Variants in ZNF804B observed in about 807,000 individuals in gnomAD.
ZNF804B encodes zinc finger 804B.
ZNF804B carries 80 observed loss-of-function variants against 101.4 expected under a neutral mutation model. The observed-to-expected ratio is 0.79, with a 90% CI of 0.66 to 0.95. The LOEUF is 0.95. ZNF804B is among the 40% of genes least tolerant of loss of function. The pLI is 0.00. For missense variants in ZNF804B, 1,673 were observed against 1,561.9 expected (o/e 1.07, Z -1.20); for synonymous variants, 622 against 558.8 (o/e 1.11, Z -1.59).
At chr7:89,228,456 T>G (rs1789131137) in intron 2 of ZNF804B, among the ~76,000 whole-genome samples, 1 of 152,056 alleles carries the variant, frequency 6.6e-6, no homozygotes, top group Non-Finnish European at 1.5e-5. Flanking sequence ...ACATAGGTTC[T>G]CCACCTCCCC....
At chr7:89,171,356 T>TTCTTCTTCTTCC (rs1282426438) in intron 1 of ZNF804B, among the ~76,000 whole-genome samples, 198 of 99,148 alleles carry the variant, frequency 2.0e-3, no homozygotes, top group Non-Finnish European at 3.1e-3. Context: ...CTTCTTCTTC[T>TTCTTCTTCTTCC]TCCTCCTCTT....
At chr7:88,992,776 G>A (rs1793864335) in intron 1 of ZNF804B, among the ~76,000 whole-genome samples, 1 of 151,852 alleles carries the variant, frequency 6.6e-6, no homozygotes, top group Non-Finnish European at 1.5e-5. Context: ...CAGAATCTTG[G>A]TGGACCACTT....
chr7:89,068,492 T>G (rs1168976146), intron 1 of ZNF804B, among the ~76,000 whole-genome samples: 1 of 152,176 alleles, frequency 6.6e-6, no homozygotes, highest in Non-Finnish European at 1.5e-5. Context: ...CAATGTTTAA[T>G]GTATTACTAA....
intron 1 of ZNF804B, among the ~76,000 whole-genome samples, chr7:88,895,381 A>T (rs940102133): frequency 7.2e-5 from 11 of 152,230 alleles, no homozygotes; most frequent in African/African-American, 2.7e-4. Context: ...TTAGAGTTGG[A>T]TGGATCAATA....
chr7:89,073,260 C>T (rs965006315), intron 1 of ZNF804B, among the ~76,000 whole-genome samples: 2 of 152,032 alleles, frequency 1.3e-5, no homozygotes, highest in African/African-American at 2.4e-5. Context: ...TTTATTAATA[C>T]AGATTGGAAA....
intron 1 of ZNF804B, among the ~76,000 whole-genome samples, chr7:88,838,101 T>C (rs1225216103): frequency 6.6e-6 from 1 of 151,846 alleles, no homozygotes; most frequent in Non-Finnish European, 1.5e-5. Flanking sequence ...CAAAAACATT[T>C]TAAAATTGCT....
At chr7:88,851,829 T>A (rs1791454434) in intron 1 of ZNF804B, among the ~76,000 whole-genome samples, 2 of 152,108 alleles carry the variant, frequency 1.3e-5, no homozygotes, top group Non-Finnish European at 2.9e-5. Flanking sequence ...AATTGAAATG[T>A]GTGAAAACAG....
At chr7:89,285,789 C>T (rs1790187815) in intron 2 of ZNF804B, among the ~76,000 whole-genome samples, 1 of 152,084 alleles carries the variant, frequency 6.6e-6, no homozygotes, top group African/African-American at 2.4e-5. Flanking sequence ...ATCCACAATG[C>T]TTTTAAACCT....
At position 89,319,813 on chromosome 7, in the gene ZNF804B, A is replaced by T. The variant is rs936757208; in HGVS notation, c.250-7531A>T. On this transcript the variant is annotated intron_variant, in intron 2 of 3. Coordinates refer to ENST00000333190, the MANE Select transcript of ZNF804B (RefSeq NM_181646.5). Reference sequence around the variant, plus strand: ...GTGGACACTGATCTTAAATAAAGCAACAAAGACCAAATGCAGCTCAACTAG... The same window carrying T: ...GTGGACACTGATCTTAAATAAAGCATCAAAGACCAAATGCAGCTCAACTAG... Among the ~76,000 whole-genome samples, 85 of 152,196 alleles carry T rather than the reference A, an allele frequency of 5.6e-4. 1 individual carries two copies. The highest frequency in any genetic ancestry group is 1.6e-4 in the Non-Finnish European group (11 of 68,030).
At chr7:88,967,359 G>A (rs1793470641) in intron 1 of ZNF804B, among the ~76,000 whole-genome samples, 1 of 151,412 alleles carries the variant, frequency 6.6e-6, no homozygotes, top group South Asian at 2.1e-4. Context: ...ACCAGATCTG[G>A]TGAGAACTCA....
chr7:88,829,270 T>A lies in ZNF804B; in HGVS notation c.108+69186T>A, dbSNP rs28677785. On this transcript the variant is annotated intron_variant, in intron 1 of 3. Transcript: ENST00000333190. ...TGCACCTGAACATTTTTAATTTTTT[T>A]AAATGATCTATTATGTCATTGTGAA... Among the ~76,000 whole-genome samples, 7 of 152,066 alleles carry A rather than the reference T, an allele frequency of 4.6e-5. No homozygotes were observed. The East Asian group carries it at 1.4e-3, about 29-fold the overall frequency.
chr7:89,019,429 A>G (rs77295093), intron 1 of ZNF804B, among the ~76,000 whole-genome samples: 3,453 of 152,140 alleles, frequency 0.023, 138 homozygotes, highest in African/African-American at 0.079. Context: ...TGTTCCATAC[A>G]CTGATGAAAA....
chr7:88,888,001 T>C (rs1329040782), intron 1 of ZNF804B, among the ~76,000 whole-genome samples: 1 of 152,226 alleles, frequency 6.6e-6, no homozygotes. Flanking sequence ...GTCACTTTTT[T>C]ACTGGCTCTA....
chr7:89,259,925 T>C (rs1431432849), intron 2 of ZNF804B, among the ~76,000 whole-genome samples: 1 of 151,192 alleles, frequency 6.6e-6, no homozygotes, highest in Non-Finnish European at 1.5e-5. Flanking sequence ...GTGGAGATTG[T>C]AGTGACCTGA....
At chr7:89,289,064 T>G (rs1790248211) in intron 2 of ZNF804B, among the ~76,000 whole-genome samples, 1 of 151,932 alleles carries the variant, frequency 6.6e-6, no homozygotes, top group Admixed American at 6.6e-5. Flanking sequence ...GTGTGAATAC[T>G]AAAAGAATAA....
chr7:89,125,220 T>A (rs901004488), intron 1 of ZNF804B, among the ~76,000 whole-genome samples: 1 of 151,914 alleles, frequency 6.6e-6, no homozygotes, highest in Non-Finnish European at 1.5e-5. Context: ...TAAAAAGATT[T>A]TTGAAACTTA....
rs1300798255 is a variant in ZNF804B at position 89,259,917 on chromosome 7, G to A, written c.249+41622G>A. ...ATTGCTTGAATGCAACCCAGGAGGT[G>A]GAGATTGTAGTGACCTGAGATCACA... On this transcript the variant is annotated intron_variant, in intron 2 of 3. Coordinates refer to ENST00000333190, the MANE Select transcript of ZNF804B (RefSeq NM_181646.5). Among the ~76,000 whole-genome samples, 4 of 152,024 alleles carry A rather than the reference G, an allele frequency of 2.6e-5. No homozygotes were observed. In the East Asian group the frequency reaches 7.7e-4, roughly 29 times the overall value.
At chr7:88,896,462 AG>A (rs1792286478) in intron 1 of ZNF804B, among the ~76,000 whole-genome samples, 1 of 152,190 alleles carries the variant, frequency 6.6e-6, no homozygotes, top group African/African-American at 2.4e-5. Context: ...GGGGAGGGAA[AG>A]AAATAAGGCA....
At chr7:88,997,372 T>C (rs906558564) in intron 1 of ZNF804B, among the ~76,000 whole-genome samples, 17 of 152,166 alleles carry the variant, frequency 1.1e-4, no homozygotes, top group South Asian at 4.1e-4. Flanking sequence ...TAGGTCTTCA[T>C]ATAAATTTGT....
Sources: allele counts gnomAD v4.1 joint callset (sites outside exome capture counted in the v4.1 genomes callset), GRCh38; gene constraint gnomAD v4.1.1; transcripts MANE v1.5; gene names NCBI Gene and HGNC (gene_info 2026-07-23, HGNC 2026-07-21).